SYN3: variants seen among roughly 807,000 people sequenced by gnomAD.
SYN3 encodes synapsin-3.
A neutral mutation model predicts 65.8 loss-of-function variants in SYN3; 35 were observed. The observed-to-expected ratio is 0.53, with a 90% CI of 0.41 to 0.70. SYN3 has a LOEUF of 0.70. Among genes scored for constraint, SYN3 ranks in the 30% least tolerant of loss-of-function variants. The probability of loss-of-function intolerance (pLI) is 0.00; values close to 1 mark genes in which losing one functional copy is unlikely to be tolerated. For synonymous variants in SYN3, 270 were observed against 292.9 expected, an observed-to-expected ratio of 0.92 and a Z score of 0.80; for missense variants, 680 against 749.0, an observed-to-expected ratio of 0.91 and a Z score of 1.08.
chr22:32,777,672 C>G (rs5754275), intron 6 of SYN3, among the ~76,000 whole-genome samples: 86,708 of 151,996 alleles, frequency 0.57, 25,294 homozygotes, highest in African/African-American at 0.7. Flanking sequence ...GGGAGAGAGG[C>G]AAGAAAATAA....
chr22:32,938,918 G>C (rs191650831), intron 3 of SYN3, among the ~76,000 whole-genome samples: 189 of 112,350 alleles, frequency 1.7e-3, no homozygotes, highest in Admixed American at 2.8e-3. Flanking sequence ...GCAGGGCAAG[G>C]CTTTGTCTCA....
intron 6 of SYN3, among the ~76,000 whole-genome samples, chr22:32,731,208 G>T (rs1569180176): frequency 6.6e-6 from 1 of 152,176 alleles, no homozygotes; most frequent in Non-Finnish European, 1.5e-5. Context: ...CCACGCAGGG[G>T]AAAGAGTCTT....
intron 10 of SYN3, 152 bp from the exon 11 acceptor site, chr22:32,529,160 C>T: frequency 5.6e-6 from 5 of 886,540 alleles, no homozygotes; most frequent in South Asian, 3.3e-5. Flanking sequence ...CTGGGACTGG[C>T]CGGCAGCGAC....
intron 3 of SYN3, among the ~76,000 whole-genome samples, chr22:32,946,627 A>C (rs990986205): frequency 5.9e-5 from 9 of 152,204 alleles, no homozygotes; most frequent in Non-Finnish European, 1.3e-4. Flanking sequence ...CCAACATGGC[A>C]CATGTATACA....
chr22:32,954,099 C>CAA (rs2051371818), intron 3 of SYN3, among the ~76,000 whole-genome samples: 1 of 145,238 alleles, frequency 6.9e-6, no homozygotes, highest in African/African-American at 2.6e-5. Context: ...TACCCACACC[C>CAA]AACAAAACAA....
At chr22:32,903,354 G>A (rs573912312) in intron 4 of SYN3, among the ~76,000 whole-genome samples, 153 of 152,172 alleles carry the variant, frequency 1.0e-3, no homozygotes, top group African/African-American at 3.5e-3. Flanking sequence ...TTACACATTC[G>A]TTTTTTTAAA....
chr22:32,814,339 G>GAAAGAAAGAAAGAAAGGAAGGAAGAA (rs369652077), intron 6 of SYN3, among the ~76,000 whole-genome samples: 1 of 10,350 alleles, frequency 9.7e-5, no homozygotes, highest in African/African-American at 2.0e-4. Context: ...AAGAAAGAAA[G>GAAAGAAAGAAAGAAAGGAAGGAAGAA]AGAAAGAAAG....
chr22:32,868,293 ATAT>A (rs776812436), intron 5 of SYN3, among the ~76,000 whole-genome samples: 60 of 151,366 alleles, frequency 4.0e-4, no homozygotes, highest in East Asian at 1.7e-3. Flanking sequence ...TTGTTATTAT[ATAT>A]TATTAATAGC....
intron 6 of SYN3, among the ~76,000 whole-genome samples, chr22:32,858,849 C>G (rs1312373182): frequency 6.6e-6 from 1 of 152,128 alleles, no homozygotes; most frequent in African/African-American, 2.4e-5. Flanking sequence ...TTCCCTAAAA[C>G]AACTGAGATC....
At chr22:32,588,347 A>C (rs373828445) in intron 7 of SYN3, among the ~76,000 whole-genome samples, 39 of 152,184 alleles carry the variant, frequency 2.6e-4, no homozygotes, top group African/African-American at 9.2e-4. Flanking sequence ...AATAAGGATA[A>C]GATGACTCCT....
chr22:32,770,964 A>G (rs1362584593), intron 6 of SYN3, among the ~76,000 whole-genome samples: 1 of 151,652 alleles, frequency 6.6e-6, no homozygotes, highest in Non-Finnish European at 1.5e-5. Flanking sequence ...AGAGGTATAC[A>G]TGTGCCATGG....
chr22:32,853,026 TC>T (rs1267371564), intron 6 of SYN3, among the ~76,000 whole-genome samples: 3 of 152,008 alleles, frequency 2.0e-5, no homozygotes, highest in African/African-American at 7.2e-5. Flanking sequence ...GACCCGCTGG[TC>T]ATGTGCTTTG....
At chr22:32,747,177 C>A (rs114255693) in intron 6 of SYN3, among the ~76,000 whole-genome samples, 1 of 152,166 alleles carries the variant, frequency 6.6e-6, no homozygotes, top group Non-Finnish European at 1.5e-5. Context: ...TTCAATAGCA[C>A]GATTTTTCTT....
intron 6 of SYN3, among the ~76,000 whole-genome samples, chr22:32,711,421 A>G (rs1019385847): frequency 2.0e-5 from 3 of 152,232 alleles, no homozygotes; most frequent in African/African-American, 7.2e-5. Context: ...GGTGACCAAT[A>G]AAGTTTAAAC....
intron 6 of SYN3, among the ~76,000 whole-genome samples, chr22:32,828,838 G>A (rs555675338): frequency 6.6e-6 from 1 of 152,256 alleles, no homozygotes; most frequent in East Asian, 1.9e-4. Context: ...AGGGGAGTAG[G>A]GGCTGAAGAG....
At chr22:32,637,010 T>C (rs1336139933) in intron 6 of SYN3, among the ~76,000 whole-genome samples, 1 of 152,186 alleles carries the variant, frequency 6.6e-6, no homozygotes, top group Non-Finnish European at 1.5e-5. Flanking sequence ...ACTTGACTCA[T>C]CCTGCAGAGG....
At chr22:32,804,937 C>T (rs2046685357) in intron 6 of SYN3, among the ~76,000 whole-genome samples, 1 of 152,152 alleles carries the variant, frequency 6.6e-6, no homozygotes. Context: ...AGAAGGCGGC[C>T]TCGGCCCGGG....
At chr22:32,604,989 G>A (rs1474333380) in intron 6 of SYN3, among the ~76,000 whole-genome samples, 20 of 139,340 alleles carry the variant, frequency 1.4e-4, no homozygotes, top group Non-Finnish European at 1.1e-4. Context: ...CTGGGCGATA[G>A]AGCGAGACTC....
intron 6 of SYN3, among the ~76,000 whole-genome samples, chr22:32,642,044 C>A (rs1211300404): frequency 6.6e-6 from 1 of 152,118 alleles, no homozygotes; most frequent in East Asian, 1.9e-4. Context: ...AATCCCAGCA[C>A]TTTGGGAGGC....
Sources: gnomAD v4.1 joint callset for allele counts (sites outside exome capture counted in the v4.1 genomes callset) on GRCh38, gnomAD v4.1.1 for gene constraint, MANE v1.5 for transcripts, NCBI Gene and HGNC (gene_info 2026-07-23, HGNC 2026-07-21) for gene names.